Variants in SNX29 observed in about 807,000 individuals in gnomAD.
The protein encoded by SNX29 is sorting nexin-29.
Under a neutral mutation model 102.1 loss-of-function variants are expected in SNX29, and 78 were observed. That is an observed-to-expected ratio of 0.76 (90% CI 0.64 to 0.92). The LOEUF is 0.92. Ranked by LOEUF, SNX29 falls within the 40% of genes least tolerant of loss-of-function variation. The pLI, the probability that SNX29 is intolerant of heterozygous loss-of-function variation, is 0.00. For synonymous variants in SNX29, 580 were observed against 414.5 expected, an observed-to-expected ratio of 1.40 and a Z score of -4.85; for missense variants, 1,280 against 1,061.7, an observed-to-expected ratio of 1.21 and a Z score of -2.86.
chr16:12,568,458 T>C (rs1344927545), intron 20 of SNX29, 48 bp from the exon 21 acceptor site: 9 of 1,602,154 alleles, frequency 5.6e-6, no homozygotes, highest in South Asian at 5.5e-5. Flanking sequence ...CTGTGGTCAT[T>C]TGCTTTTCAT....
intron 15 of SNX29, among the ~76,000 whole-genome samples, chr16:12,327,011 G>A (rs1427201492): frequency 1.3e-5 from 2 of 152,210 alleles, no homozygotes; most frequent in African/African-American, 2.4e-5. Flanking sequence ...GTTGACCGAT[G>A]GGGCTGATGG....
chr16:12,474,351 T>C (rs542933236), intron 18 of SNX29, among the ~76,000 whole-genome samples: 3 of 152,314 alleles, frequency 2.0e-5, no homozygotes, highest in African/African-American at 7.2e-5. Flanking sequence ...CTAGGGAATA[T>C]CACGTCCTGG....
At chr16:12,095,255 T>C (rs1380833849) in intron 11 of SNX29, 1 of 152,204 alleles carries the variant, frequency 6.6e-6, no homozygotes, top group Non-Finnish European at 1.5e-5. Flanking sequence ...AAGTTTCTAC[T>C]CTTGAGTTAA....
intron 14 of SNX29, among the ~76,000 whole-genome samples, chr16:12,269,141 T>A (rs2142588544): frequency 6.6e-6 from 1 of 152,374 alleles, no homozygotes; most frequent in Non-Finnish European, 1.5e-5. Flanking sequence ...CTTCTTGTTT[T>A]TGCCAAATCA....
intron 13 of SNX29, among the ~76,000 whole-genome samples, chr16:12,198,123 A>T (rs966214981): frequency 2.6e-5 from 4 of 152,150 alleles, no homozygotes; most frequent in African/African-American, 9.7e-5. Context: ...ATCCTGTCAT[A>T]GAGACTCTGA....
chr16:12,405,390 C>G (rs1490454467), intron 18 of SNX29, among the ~76,000 whole-genome samples: 1 of 152,184 alleles, frequency 6.6e-6, no homozygotes, highest in East Asian at 1.9e-4. Flanking sequence ...TGAAGCCACT[C>G]TCTCCCCGTC....
chr16:12,162,356 C>T (rs970792101), intron 13 of SNX29, among the ~76,000 whole-genome samples: 1 of 152,174 alleles, frequency 6.6e-6, no homozygotes, highest in African/African-American at 2.4e-5. Context: ...GCTGACTGGG[C>T]TTGTCCAGGG....
rs116899650 is a variant in SNX29 at position 12,441,874 on chromosome 16, C to T, written c.2038-35845C>T. 8.5e-3 allele frequency among the ~76,000 whole-genome samples: 1,289 copies of T among 152,248 alleles called. 15 individuals carry two copies. The highest frequency in any genetic ancestry group is 0.014 in the Non-Finnish European group (956 of 68,004). On this transcript the variant is annotated intron_variant, in intron 18 of 20. Transcript: ENST00000566228. ...CGTGATCTCAGATCCCTGCAACCTC[C>T]GCCTCCTGGATTCAGGCTATTCTCC...
At chr16:12,055,235 C>CTTTTTT (rs201288834) in intron 8 of SNX29, among the ~76,000 whole-genome samples, 2 of 139,192 alleles carry the variant, frequency 1.4e-5, no homozygotes, top group African/African-American at 2.7e-5. Flanking sequence ...TGTTTCCTTT[C>CTTTTTT]TTTTTTTTTT....
intron 15 of SNX29, among the ~76,000 whole-genome samples, chr16:12,306,075 G>A (rs1045328784): frequency 6.6e-6 from 1 of 151,868 alleles, no homozygotes; most frequent in African/African-American, 2.4e-5. Context: ...GCACCTGCAT[G>A]TAAAACCATT....
intron 18 of SNX29, among the ~76,000 whole-genome samples, chr16:12,440,520 G>A (rs576669853): frequency 6.5e-4 from 99 of 152,234 alleles, no homozygotes; most frequent in African/African-American, 2.0e-3. Flanking sequence ...GGGGTTAGCT[G>A]TACACATTAT....
intron 4 of SNX29, 84 bp from the exon 5 acceptor site, chr16:12,042,813 C>G: frequency 7.1e-7 from 1 of 1,414,962 alleles, no homozygotes; most frequent in Non-Finnish European, 9.6e-7. Context: ...CAATCTCCAA[C>G]TTCGCCTAGA....
At chr16:12,542,579 G>A (rs192635692) in intron 20 of SNX29, among the ~76,000 whole-genome samples, 51 of 152,224 alleles carry the variant, frequency 3.4e-4, no homozygotes, top group African/African-American at 7.0e-4. Flanking sequence ...TGATCCACCC[G>A]CCTCAGCCTC....
chr16:12,418,845 G>A (rs2084757378), intron 18 of SNX29, among the ~76,000 whole-genome samples: 1 of 152,166 alleles, frequency 6.6e-6, no homozygotes, highest in Non-Finnish European at 1.5e-5. Flanking sequence ...CATGCCTGGT[G>A]TCAGTTCCCA....
At chr16:12,487,342 T>A (rs1442891026) in intron 19 of SNX29, among the ~76,000 whole-genome samples, 1 of 152,180 alleles carries the variant, frequency 6.6e-6, no homozygotes, top group Non-Finnish European at 1.5e-5. Flanking sequence ...AGTGTTTCCA[T>A]GTACACTAAC....
At chr16:12,483,227 T>TTGAACTCA in intron 19 of SNX29, among the ~76,000 whole-genome samples, 1 of 149,200 alleles carries the variant, frequency 6.7e-6, no homozygotes, top group East Asian at 2.0e-4. Context: ...CAGGCTGGTC[T>TTGAACTCA]TGAACTCATG....
chr16:12,196,603 CTTTTCTT>C (rs1188068997), intron 13 of SNX29, among the ~76,000 whole-genome samples: 333 of 147,952 alleles, frequency 2.3e-3, no homozygotes, highest in African/African-American at 5.5e-3. Flanking sequence ...ACTTTTTTTA[CTTTTCTT>C]TTTTCTTTTT....
At chr16:12,565,945 C>A (rs1567218297) in intron 20 of SNX29, among the ~76,000 whole-genome samples, 2 of 152,318 alleles carry the variant, frequency 1.3e-5, no homozygotes, top group East Asian at 3.9e-4. Flanking sequence ...TGTCTGCCCT[C>A]CCCATCCTCA....
At chr16:12,015,000 G>A (rs768791253) in intron 3 of SNX29, among the ~76,000 whole-genome samples, 14 of 151,734 alleles carry the variant, frequency 9.2e-5, no homozygotes, top group Admixed American at 4.6e-4. Context: ...GGAGGGTCCC[G>A]TTTTTTCTGT....
Sources: gnomAD v4.1 joint callset for allele counts (sites outside exome capture counted in the v4.1 genomes callset) on GRCh38, gnomAD v4.1.1 for gene constraint, MANE v1.5 for transcripts, NCBI Gene and HGNC (gene_info 2026-07-23, HGNC 2026-07-21) for gene names.